SRSF11: variants seen among roughly 807,000 people sequenced by gnomAD.
The protein encoded by SRSF11 is serine/arginine-rich splicing factor 11.
SRSF11 carries 9 observed loss-of-function variants against 56.0 expected under a neutral mutation model. The ratio of observed to expected loss-of-function variants is 0.16; its 90% CI spans 0.10 to 0.28. SRSF11 has a LOEUF of 0.28. SRSF11 is among the 10% of genes least tolerant of loss of function. The pLI is 1.00. For missense variants in SRSF11, 421 were observed against 600.7 expected, an observed-to-expected ratio of 0.70 and a Z score of 3.13; for synonymous variants, 222 against 215.3, an observed-to-expected ratio of 1.03 and a Z score of -0.27.
intron 9 of SRSF11, 88 bp from the exon 10 acceptor site, chr1:70,249,864 C>CT: frequency 7.0e-7 from 1 of 1,419,332 alleles, no homozygotes; most frequent in Non-Finnish European, 9.9e-7. Context: ...CTGGCCACAT[C>CT]TTTCATTGTT....
intron 6 of SRSF11, among the ~76,000 whole-genome samples, chr1:70,238,383 A>G (rs1021309722): frequency 6.6e-6 from 1 of 152,182 alleles, no homozygotes; most frequent in African/African-American, 2.4e-5. Flanking sequence ...GTTTTTACCA[A>G]TATTTTTATG....
chr1:70,250,288 T>A (rs757161274), intron 10 of SRSF11, 77 bp from the exon 11 acceptor site: 9 of 1,577,896 alleles, frequency 5.7e-6, no homozygotes, highest in Non-Finnish European at 7.7e-6. Flanking sequence ...CTGTACTACT[T>A]ATATCCTGTG....
intron 3 of SRSF11, among the ~76,000 whole-genome samples, chr1:70,234,266 T>C (rs1040235445): frequency 2.6e-5 from 4 of 152,202 alleles, no homozygotes; most frequent in African/African-American, 9.7e-5. Context: ...AGAAATGCTT[T>C]GTAAAGGTCC....
chr1:70,247,676 T>C (rs1018772376), intron 9 of SRSF11, among the ~76,000 whole-genome samples: 9 of 152,090 alleles, frequency 5.9e-5, no homozygotes, highest in African/African-American at 2.2e-4. Flanking sequence ...TTCAAAAGCA[T>C]AAGCAACAGA....
chr1:70,233,039 C>T (rs1262873473), intron 3 of SRSF11, among the ~76,000 whole-genome samples: 1 of 152,138 alleles, frequency 6.6e-6, no homozygotes, highest in Admixed American at 6.5e-5. Context: ...ATCATTTTGC[C>T]TGTCTAAATA....
At chr1:70,246,791 C>T (rs370671102) in intron 8 of SRSF11, 27 bp from the exon 9 acceptor site, 253 of 1,500,472 alleles carry the variant, frequency 1.7e-4, no homozygotes, top group Non-Finnish European at 2.2e-4. Flanking sequence ...TCTTCTAATG[C>T]ATTCATAAAT....
intron 5 of SRSF11, among the ~76,000 whole-genome samples, chr1:70,236,553 A>G (rs958509105): frequency 4.0e-5 from 6 of 150,982 alleles, no homozygotes; most frequent in Non-Finnish European, 8.9e-5. Context: ...GATGGCCTCA[A>G]TCTCCTGACC....
chr1:70,229,256 G>T, intron 2 of SRSF11: 1 of 1,289,336 alleles, frequency 7.8e-7, no homozygotes, highest in Non-Finnish European at 1.0e-6. Context: ...AAAAACAGTG[G>T]GTCCTCTGCA....
rs145837680 is a variant in SRSF11, at chr1:70,249,968, A to C, written c.1039A>C (p.Arg347=). 7 of 1,614,032 alleles carry C rather than the reference A, an allele frequency of 4.3e-6. No homozygotes were observed. Among genetic ancestry groups the C allele is most frequent in the Non-Finnish European group, 5.1e-6 (6 of 1,180,020 alleles). The part of the protein sequence containing the change: ...RSASRERRRR[R]SRSGTRSPKK... ...TGATTCTAGAGAGAGACGACGACGA[A>C]GAAGCAGGAGTGGCACAAGATCTCC... is the stretch of plus-strand genomic sequence containing the variant. Residue 347 remains arginine, a synonymous_variant, in exon 10 of 12, where the codon AGA becomes CGA. Coordinates refer to ENST00000370949, the MANE Select transcript of SRSF11 (RefSeq NM_001350605.2).
intron 3 of SRSF11, among the ~76,000 whole-genome samples, chr1:70,234,432 C>T (rs1279661117): frequency 6.6e-6 from 1 of 152,024 alleles, no homozygotes; most frequent in Non-Finnish European, 1.5e-5. Context: ...ATGGGTGGAA[C>T]ATGGGTGTCA....
In SRSF11 at chr1:70,250,867, C is replaced by T. The variant is rs1186897097; in HGVS notation, c.*62C>T. On this transcript the variant is annotated 3_prime_UTR_variant, in exon 12 of 12. Transcript: ENST00000370949. ...TCAGTGTCATTCCTTTGTGTGATTT[C>T]TTAATGCTGTATTTGTTCATCTCAA... 6.9e-7 allele frequency: 1 copy of T among 1,438,994 alleles called. No homozygotes were observed. Among genetic ancestry groups the T allele is most frequent in the East Asian group, 2.3e-5 (1 of 43,758 alleles). 89.1% of individuals were successfully genotyped at this position (1,438,994 alleles called of 1,614,324 possible).
At chr1:70,229,877 T>C (rs1672531477) in intron 2 of SRSF11, 1 of 985,140 alleles carries the variant, frequency 1.0e-6, no homozygotes, top group African/African-American at 1.7e-5. Flanking sequence ...AGCCCAGTTT[T>C]AAGGTTTTGT....
chr1:70,242,009 A>G (rs1267008737), intron 7 of SRSF11, among the ~76,000 whole-genome samples: 1 of 152,066 alleles, frequency 6.6e-6, no homozygotes, highest in African/African-American at 2.4e-5. Flanking sequence ...TCTCCTAAAA[A>G]CACAAAAATC....
intron 7 of SRSF11, among the ~76,000 whole-genome samples, chr1:70,240,675 C>A (rs1165781197): frequency 6.6e-6 from 1 of 152,096 alleles, no homozygotes; most frequent in South Asian, 2.1e-4. Flanking sequence ...TAGTCAGAAC[C>A]CTTTAGGATT....
Position 70,221,483 on chromosome 1 carries a change from A to ACGGCGG in SRSF11, c.-140_-135dup, listed in dbSNP as rs532180578. On this transcript the variant is annotated 5_prime_UTR_variant, in exon 1 of 12. Transcript: ENST00000370949. ...CCGCGGCGTGCGGCGGGGCGGAGAAACGGCGGCGGCGGCGGCGGCATCGGC... is the reference window on the plus strand; with the variant it reads ...CCGCGGCGTGCGGCGGGGCGGAGAAACGGCGGCGGCGGCGGCGGCGGCGGCATCGGC... 321 of 1,126,448 alleles carry ACGGCGG rather than the reference A, an allele frequency of 2.8e-4. 1 individual carries two copies. Among genetic ancestry groups the ACGGCGG allele is most frequent in the African/African-American group, 3.5e-4 (22 of 62,798 alleles). 69.8% of individuals were successfully genotyped at this position (1,126,448 alleles called of 1,614,324 possible).
At chr1:70,230,775 A>G (rs1435370284) in intron 2 of SRSF11, 13 of 1,173,598 alleles carry the variant, frequency 1.1e-5, no homozygotes, top group Non-Finnish European at 1.4e-5. Flanking sequence ...GTTTGCCAGA[A>G]ATGTTGCAAA....
chr1:70,249,793 C>T (rs1255937091), intron 9 of SRSF11, 159 bp from the exon 10 acceptor site: 3 of 672,204 alleles, frequency 4.5e-6, no homozygotes, highest in African/African-American at 3.7e-5. Flanking sequence ...CTCCTGGGCT[C>T]AAGCAATCCC....
chr1:70,224,975 C>T (rs1364867500), intron 1 of SRSF11, among the ~76,000 whole-genome samples: 1 of 152,184 alleles, frequency 6.6e-6, no homozygotes, highest in Non-Finnish European at 1.5e-5. Flanking sequence ...AGTTCGTGAA[C>T]TGAAATTTAC....
intron 7 of SRSF11, among the ~76,000 whole-genome samples, chr1:70,242,918 G>A (rs1467199933): frequency 6.6e-6 from 1 of 152,146 alleles, no homozygotes; most frequent in Non-Finnish European, 1.5e-5. Context: ...TGTCTTTGTG[G>A]AGCCTATGGT....
Sources: allele counts gnomAD v4.1 joint callset (sites outside exome capture counted in the v4.1 genomes callset), GRCh38; gene constraint gnomAD v4.1.1; transcripts MANE v1.5; gene names NCBI Gene and HGNC (gene_info 2026-07-23, HGNC 2026-07-21).